The following COL7A1 variants were observed in gnomAD, a reference collection of about 807,000 sequenced individuals.
COL7A1 encodes collagen type VII alpha 1 chain.
COL7A1 carries 296 observed loss-of-function variants against 456.2 expected under a neutral mutation model. That is an observed-to-expected ratio of 0.65 (90% confidence interval 0.59 to 0.71). The LOEUF (loss-of-function observed/expected upper bound fraction) is 0.71, where lower values mean the gene tolerates loss of function less well. COL7A1 is among the 30% of genes least tolerant of loss of function. COL7A1 has a pLI of 0.00. For synonymous variants in COL7A1, 1,464 were observed against 1,525.9 expected, an observed-to-expected ratio of 0.96 and a Z score of 0.95; for missense variants, 3,441 against 4,017.2, an observed-to-expected ratio of 0.86 and a Z score of 3.88.
chr3:48,578,886 GC>G lies in COL7A1; in HGVS notation c.5424+32del, dbSNP rs1279045070. 2.5e-6 allele frequency: 4 copies of G among 1,607,134 alleles called. No individual in the cohort carries two copies. Among genetic ancestry groups the G allele is most frequent in the Middle Eastern group, 3.4e-4 (2 of 5,934 alleles). The stretch of plus-strand genomic sequence containing the variant: ...CTGGTTGGAGCTTACGCAGCCCCGA[GC>G]CCCCTCTGTCCCAGCATCTCCCCTC... On this transcript the variant is annotated intron_variant, in intron 63 of 118. Transcript: ENST00000681320. The surrounding 1 kb of genome is among the most constrained non-coding windows in gnomAD (Gnocchi z 4.7).
Position 48,594,450 on chromosome 3 carries a change from C to A in COL7A1, c.184G>T (p.Glu62Ter). ...SNFREVRSFL[E>*]GLVLPFSGAA... ...CCAGAGAAAGGCAGCACCAGCCCTT[C>A]GAGAAAGCTGCGGACCTCGCGGAAA... is the stretch of plus-strand genomic sequence containing the variant. The change falls in exon 3 of 119, where the codon GAA becomes TAA. Residue 62 changes from glutamate (E) to a stop codon, truncating the protein, a stop_gained. Coordinates refer to ENST00000681320, the MANE Select transcript of COL7A1 (RefSeq NM_000094.4). LOFTEE classifies it high-confidence loss of function. This position sits in a 1 kb window ranked among gnomAD's most constrained non-coding sequence, Gnocchi z 5.5. 1 of 1,612,268 alleles carries A rather than the reference C, an allele frequency of 6.2e-7. No individual in the cohort carries two copies. Among genetic ancestry groups the A allele is most frequent in the Non-Finnish European group, 8.5e-7 (1 of 1,180,044 alleles).
rs2043506277 is a variant in COL7A1 at position 48,564,203 on chromosome 3, C to T, written c.*203G>A. The T allele has an allele frequency of 1.5e-6, 1 of 668,440 alleles. No individual in the cohort carries two copies. The highest frequency in any genetic ancestry group is 1.7e-5 in the South Asian group (1 of 58,650). 41.4% of individuals were successfully genotyped at this position (668,440 alleles called of 1,614,324 possible). On this transcript the variant is annotated 3_prime_UTR_variant, in exon 119 of 119. Coordinates refer to ENST00000681320, the MANE Select transcript of COL7A1 (RefSeq NM_000094.4). This position sits in a 1 kb window ranked among gnomAD's most constrained non-coding sequence, Gnocchi z 6.0. ...CAGCCACCCCCCCACAGTGAGTCAT[C>T]TGCCAGGGTGGCAGGAGCCACAATG...
In COL7A1 at chr3:48,570,550, C is replaced by A; in HGVS notation, c.7345-50G>T. On this transcript the variant is annotated intron_variant, in intron 96 of 118. Transcript: ENST00000681320. This position sits in a 1 kb window ranked among gnomAD's most constrained non-coding sequence, Gnocchi z 5.5. ...TCCTGTGGCTCTCAAAGCGCCTCCCCCAACACCCCACAGTGTGGCCCGCCC... is the reference window on the plus strand; with the variant it reads ...TCCTGTGGCTCTCAAAGCGCCTCCCACAACACCCCACAGTGTGGCCCGCCC... The A allele has an allele frequency of 6.2e-7, 1 of 1,613,866 alleles. No homozygotes were observed.
rs1434362269 is a variant in COL7A1, at chr3:48,572,415, G to C, written c.6943C>G (p.Pro2315Ala). ...ACCAGGTCTCCAGCAAGGCCTCCAG[G>C]GGCTCCCTGGTAAGGGGGAGAGGTC... ...LPGAKGEKGA[P>A]GGLAGDLVGE... Residue 2315 changes from proline (P) to alanine (A), a missense_variant, in exon 90 of 119, where the codon CCT (proline) becomes GCT (alanine). Physicochemically the swap from Pro to Ala is conservative, Grantham distance 27. This residue lies in a region of COL7A1 where 2,084 missense variants were observed against 2,501.3 expected (regional missense o/e 0.83). Coordinates refer to ENST00000681320, the MANE Select transcript of COL7A1 (RefSeq NM_000094.4). The surrounding 1 kb of genome is among the most constrained non-coding windows in gnomAD (Gnocchi z 4.6). The C allele has an allele frequency of 2.2e-5, 36 of 1,613,952 alleles. No individual in the cohort carries two copies. The highest frequency in any genetic ancestry group is 3.1e-5 in the Non-Finnish European group (36 of 1,179,992).
Position 48,572,241 on chromosome 3 carries a change from G to A in COL7A1, c.6979-70C>T, listed in dbSNP as rs1271700120. 11 of 1,612,506 alleles carry A rather than the reference G, an allele frequency of 6.8e-6. No individual in the cohort carries two copies. The highest frequency in any genetic ancestry group is 1.3e-5 in the African/African-American group (1 of 74,870). On this transcript the variant is annotated intron_variant, in intron 90 of 118. Coordinates refer to ENST00000681320, the MANE Select transcript of COL7A1 (RefSeq NM_000094.4). The surrounding 1 kb of genome is among the most constrained non-coding windows in gnomAD (Gnocchi z 4.6). ...AGATGAGACTCCGGAGGGAGGCATG[G>A]GGCCAGAGCTTAAATATGCGGTCTA...
chr3:48,583,097 G>A lies in COL7A1; in HGVS notation c.4482+30C>T. 1.9e-6 allele frequency: 3 copies of A among 1,613,986 alleles called. No individual in the cohort carries two copies. The highest frequency in any genetic ancestry group is 1.6e-4 in the Middle Eastern group (1 of 6,062). ...GCTGAGTTGGGCCCAGATCCTCCAG[G>A]GCCCTTGGCACCCCCCAGGTTGCAC... On this transcript the variant is annotated intron_variant, in intron 43 of 118. Coordinates refer to ENST00000681320, the MANE Select transcript of COL7A1 (RefSeq NM_000094.4). The surrounding 1 kb of genome is among the most constrained non-coding windows in gnomAD (Gnocchi z 5.1).
Position 48,587,988 on chromosome 3 carries a change from C to T in COL7A1, c.2711-49G>A. ...GCCAAGAGCATGTGGGATAGTGACA[C>T]CTGGGGGCATTAAAGGGCCTGCCCA... On this transcript the variant is annotated intron_variant, in intron 21 of 118. Transcript: ENST00000681320. This position sits in a 1 kb window ranked among gnomAD's most constrained non-coding sequence, Gnocchi z 6.1. 4 of 1,544,786 alleles carry T rather than the reference C, an allele frequency of 2.6e-6. No homozygotes were observed. The highest frequency in any genetic ancestry group is 2.6e-6 in the Non-Finnish European group (3 of 1,142,218).
rs1362309822 is a variant in COL7A1 at position 48,572,133 on chromosome 3, G to A, written c.7017C>T (p.Gly2339=). ...KGDRGLPGPR[G]EKGEAGRAGE... is the part of the protein sequence containing the mutation. ...CAGGGCCAACCCACCTCACCTTCTC[G>A]CCTCGCGGCCCTGGCAGTCCTCGGT... Residue 2339 remains glycine (G), a synonymous_variant, in exon 91 of 119, where the codon GGC becomes GGT. Coordinates refer to ENST00000681320, the MANE Select transcript of COL7A1 (RefSeq NM_000094.4). The surrounding 1 kb of genome is among the most constrained non-coding windows in gnomAD (Gnocchi z 4.6). 8 of 1,613,798 alleles carry A rather than the reference G, an allele frequency of 5.0e-6. No individual in the cohort carries two copies. The highest frequency in any genetic ancestry group is 1.3e-5 in the African/African-American group (1 of 74,874).
rs764413334 is a variant in COL7A1 at position 48,590,305 on chromosome 3, G to A, written c.1958C>T (p.Thr653Ile). 1 of 1,613,984 alleles carries A rather than the reference G, an allele frequency of 6.2e-7. No individual in the cohort carries two copies. Among genetic ancestry groups the A allele is most frequent in the African/African-American group, 1.3e-5 (1 of 74,916 alleles). Residue 653 changes from threonine to isoleucine, a missense_variant, in exon 16 of 119, where the codon ACA becomes ATA. Transcript: ENST00000681320. This position sits in a 1 kb window ranked among gnomAD's most constrained non-coding sequence, Gnocchi z 4.6. The stretch of plus-strand genomic sequence containing the variant: ...GTAGGTGGTTCCAGGCTGCAGCCCT[G>A]TGATGTCTGTGGCAGTAGAGTCTGG... ...LPPDSTATDITGLQPGTTYQV... is the reference protein window; with the variant it reads ...LPPDSTATDIIGLQPGTTYQV...
chr3:48,582,002 C>T (rs756807873), intron 47 of COL7A1, 59 bp from the exon 48 acceptor site: 86 of 1,610,466 alleles, frequency 5.3e-5, no homozygotes, highest in Non-Finnish European at 7.1e-5. Context: ...TGATCAAAGT[C>T]TTCATTGGAA....
In COL7A1 at chr3:48,566,162, T is replaced by TC. The variant is rs1351482556; in HGVS notation, c.8407+104dup. ...ATGTGTCCTTCTGTGTATCCATCCA[T>TC]CCCCCCATCTTCTTGACTGCTTGCC... On this transcript the variant is annotated intron_variant, in intron 114 of 118. Coordinates refer to ENST00000681320, the MANE Select transcript of COL7A1 (RefSeq NM_000094.4). This position sits in a 1 kb window ranked among gnomAD's most constrained non-coding sequence, Gnocchi z 5.9. The TC allele has an allele frequency of 1.2e-5, 14 of 1,198,012 alleles. No individual in the cohort carries two copies. In the African/African-American group the frequency reaches 1.5e-4, roughly 13 times the overall value. 74.2% of individuals were successfully genotyped at this position (1,198,012 alleles called of 1,614,324 possible). A position where few individuals can be genotyped will look rare whatever the true frequency, so the allele number is the denominator to read the frequency against.
In COL7A1 at chr3:48,567,706, T is replaced by G; in HGVS notation, c.7983+4A>C. On this transcript the variant is annotated splice_donor_region_variant and intron_variant, in intron 108 of 118. Transcript: ENST00000681320. This position sits in a 1 kb window ranked among gnomAD's most constrained non-coding sequence, Gnocchi z 4.3. ...CCCCTCATTCTGAGCGTGCCCACAC[T>G]CACCATCTCTCCTTTGTGTCCTGCC... 1 of 1,613,208 alleles carries G rather than the reference T, an allele frequency of 6.2e-7. No individual in the cohort carries two copies. Among genetic ancestry groups the G allele is most frequent in the Non-Finnish European group, 8.5e-7 (1 of 1,179,866 alleles).
chr3:48,579,974 G>A lies in COL7A1; in HGVS notation c.5124+57C>T, dbSNP rs563912322. ...GGAAGGAATGAGGGGACATGATGTGGAGCCAAAGGGGCAAGTGAGAACAAT... is the reference window on the plus strand; with the variant it reads ...GGAAGGAATGAGGGGACATGATGTGAAGCCAAAGGGGCAAGTGAGAACAAT... On this transcript the variant is annotated intron_variant, in intron 57 of 118. Transcript: ENST00000681320. The surrounding 1 kb of genome is among the most constrained non-coding windows in gnomAD (Gnocchi z 4.4). 1.3e-5 allele frequency: 21 copies of A among 1,612,840 alleles called. No homozygotes were observed. Among genetic ancestry groups the A allele is most frequent in the Non-Finnish European group, 1.7e-5 (20 of 1,178,936 alleles).
At position 48,583,779 on chromosome 3, in the gene COL7A1, C is replaced by A. The variant is rs774310359; in HGVS notation, c.4280G>T (p.Gly1427Val). 6.2e-7 allele frequency: 1 copy of A among 1,613,808 alleles called. No individual in the cohort carries two copies. Among genetic ancestry groups the A allele is most frequent in the Non-Finnish European group, 8.5e-7 (1 of 1,179,918 alleles). ...TTGGGGTCCAGGGCTTCCGGGAAGACCCTAGGAAGAAGTGAGTAAAAATAT... is the reference window on the plus strand; with the variant it reads ...TTGGGGTCCAGGGCTTCCGGGAAGAACCTAGGAAGAAGTGAGTAAAAATAT... ...GIAPGEPGLP[G>V]LPGSPGPQGP... Residue 1427 changes from glycine to valine, a missense_variant and splice_region_variant, in exon 40 of 119, where the codon GGT (glycine) becomes GTT (valine). Transcript: ENST00000681320. This position sits in a 1 kb window ranked among gnomAD's most constrained non-coding sequence, Gnocchi z 5.1.
Position 48,588,532 on chromosome 3 carries a change from CCAA to C in COL7A1, c.2587+107_2587+109del. The C allele has an allele frequency of 6.2e-7, 1 of 1,606,664 alleles. No individual in the cohort carries two copies. The highest frequency in any genetic ancestry group is 8.5e-7 in the Non-Finnish European group (1 of 1,177,408). On this transcript the variant is annotated intron_variant, in intron 20 of 118. Transcript: ENST00000681320. This position sits in a 1 kb window ranked among gnomAD's most constrained non-coding sequence, Gnocchi z 4.6. Reference sequence around the variant, plus strand: ...CTCTCCCTCCTCTCAGACCCTGCCCCCAAAGGCTCACTACCAATCCTGGTCCTT... The same window carrying C: ...CTCTCCCTCCTCTCAGACCCTGCCCCAGGCTCACTACCAATCCTGGTCCTT...
chr3:48,589,117 C>T, intron 18 of COL7A1, 122 bp from the exon 19 acceptor site: 1 of 1,554,438 alleles, frequency 6.4e-7, no homozygotes, highest in South Asian at 1.1e-5. Context: ...CTTTAGGCAG[C>T]CCTGAGGAGG....
rs556896749 is a variant in COL7A1, at chr3:48,568,552, G to A, written c.7759-18C>T. 5.5e-5 allele frequency: 89 copies of A among 1,606,054 alleles called. 1 individual carries two copies. Among genetic ancestry groups the A allele is most frequent in the South Asian group, 3.2e-4 (29 of 90,562 alleles). On this transcript the variant is annotated intron_variant, in intron 104 of 118. Transcript: ENST00000681320. The surrounding 1 kb of genome is among the most constrained non-coding windows in gnomAD (Gnocchi z 5.2). ...GGTTGACCCTGTGAGAAACACAGAT[G>A]GGGGAGCCCTTCAGTGGGACTGTCC...
rs1377738986 is a variant in COL7A1, at chr3:48,576,231, A to T, written c.5820+18T>A. 5 of 1,613,288 alleles carry T rather than the reference A, an allele frequency of 3.1e-6. No homozygotes were observed. In the African/African-American group the frequency reaches 6.7e-5, roughly 22 times the overall value. Reference sequence around the variant, plus strand: ...GCATGCAAAACAGAGTCAAGGGGACATCCCAAGCCTGGCTCACCGGCACAC... The same window carrying T: ...GCATGCAAAACAGAGTCAAGGGGACTTCCCAAGCCTGGCTCACCGGCACAC... On this transcript the variant is annotated intron_variant, in intron 71 of 118. Coordinates refer to ENST00000681320, the MANE Select transcript of COL7A1 (RefSeq NM_000094.4).
Position 48,593,783 on chromosome 3 carries a change from G to A in COL7A1, c.267-87C>T, listed in dbSNP as rs1336461131. 3.4e-5 allele frequency: 51 copies of A among 1,504,578 alleles called. No individual in the cohort carries two copies. Among genetic ancestry groups the A allele is most frequent in the Non-Finnish European group, 4.1e-5 (44 of 1,081,420 alleles). The allele number at this position is 1,504,578 out of a possible 1,614,324, so 93.2% of individuals were successfully genotyped here. ...AGGAGGCCTCTAGGGTGAGGGTTACGGGTATCAGGCTCTCTTGAGGGGTCC... is the reference window on the plus strand; with the variant it reads ...AGGAGGCCTCTAGGGTGAGGGTTACAGGTATCAGGCTCTCTTGAGGGGTCC... On this transcript the variant is annotated intron_variant, in intron 3 of 118. Transcript: ENST00000681320. The surrounding 1 kb of genome is among the most constrained non-coding windows in gnomAD (Gnocchi z 4.4).
Sources: allele counts gnomAD v4.1 joint callset, GRCh38; gene constraint gnomAD v4.1.1; regional missense constraint gnomAD v4.1.1; non-coding constraint Gnocchi (gnomAD v3.1); transcripts MANE v1.5; gene names NCBI Gene and HGNC (gene_info 2026-07-23, HGNC 2026-07-21).